Variants in DMD observed in about 807,000 individuals in gnomAD.
The protein encoded by DMD is dystrophin.
Under a neutral mutation model 330.1 loss-of-function variants are expected in DMD, and 63 were observed. The ratio of observed to expected loss-of-function variants is 0.19; its 90% CI spans 0.16 to 0.24. The LOEUF is 0.24. Among genes scored for constraint, DMD ranks in the 10% least tolerant of loss-of-function variants. The probability of loss-of-function intolerance (pLI) is 1.00; values close to 1 mark genes in which losing one functional copy is unlikely to be tolerated. For missense variants in DMD, 3,344 were observed against 2,684.1 expected, an observed-to-expected ratio of 1.25 and a Z score of -5.43; for synonymous variants, 1,223 against 959.8, an observed-to-expected ratio of 1.27 and a Z score of -5.07.
At chrX:32,364,770 T>C in intron 35 of DMD, 60 bp from the exon 36 acceptor site, 1 of 1,138,177 alleles carries the variant, frequency 8.8e-7, no homozygotes, top group South Asian at 1.9e-5. Context: ...TAAAGAATTT[T>C]TCCTATGTTC....
intron 18 of DMD, among the ~76,000 whole-genome samples, chrX:32,514,826 TGAG>T (rs951499395): frequency 8.9e-5 from 10 of 112,251 alleles, no homozygotes; most frequent in Non-Finnish European, 1.7e-4. Flanking sequence ...GTAGCTGAAT[TGAG>T]GAGATGAGAG....
chrX:31,647,930 C>A (rs776303426), intron 54 of DMD, among the ~76,000 whole-genome samples: 10 of 112,233 alleles, frequency 8.9e-5, no homozygotes, highest in Non-Finnish European at 1.3e-4. Flanking sequence ...ATTTTCATCT[C>A]TTTCTATGAA....
intron 9 of DMD, among the ~76,000 whole-genome samples, chrX:32,660,417 A>G (rs907748714): frequency 9.0e-6 from 1 of 111,498 alleles, no homozygotes; most frequent in Non-Finnish European, 1.9e-5. Context: ...GAACATAGAA[A>G]GTAAACGTCC....
chrX:32,491,656 T>C lies in DMD; in HGVS notation c.2381-138A>G, dbSNP rs1036588684. The C allele has an allele frequency of 1.5e-5, 9 of 591,029 alleles. No homozygotes were observed. The Admixed American group carries it at 2.5e-4, about 16-fold the overall frequency. 48.7% of individuals were successfully genotyped at this position (591,029 alleles called of 1,213,427 possible). A position where few individuals can be genotyped will look rare whatever the true frequency, so the allele number is the denominator to read the frequency against. On this transcript the variant is annotated intron_variant, in intron 19 of 78. Transcript: ENST00000357033. The stretch of plus-strand genomic sequence containing the variant: ...ACCAGATCAATTATTTTCTAAGATA[T>C]AAATGTGTAAATATGATTTCAGATT...
chrX:32,844,087 T>G (rs1161833742), intron 4 of DMD, among the ~76,000 whole-genome samples: 1 of 111,350 alleles, frequency 9.0e-6, no homozygotes, highest in Non-Finnish European at 1.9e-5. Context: ...GAAAAATCCG[T>G]TTGTTGCACA....
chrX:32,625,922 G>A (rs916953051), intron 11 of DMD, among the ~76,000 whole-genome samples: 2 of 111,189 alleles, frequency 1.8e-5, no homozygotes, highest in African/African-American at 6.6e-5. Context: ...CTAATAAAAG[G>A]AGGTAATGTA....
chrX:32,670,387 C>A (rs2061558680), intron 9 of DMD, among the ~76,000 whole-genome samples: 1 of 111,607 alleles, frequency 9.0e-6, no homozygotes, highest in South Asian at 3.7e-4. Context: ...AACACAAAGG[C>A]CAGAAGACAT....
intron 37 of DMD, among the ~76,000 whole-genome samples, chrX:32,357,662 C>T (rs1215029638): frequency 7.7e-4 from 12 of 15,574 alleles, no homozygotes; most frequent in African/African-American, 2.0e-3. Flanking sequence ...TACACAGATA[C>T]ACACACACAC....
intron 7 of DMD, among the ~76,000 whole-genome samples, chrX:32,715,733 G>A (rs758644112): frequency 2.7e-5 from 3 of 110,594 alleles, no homozygotes; most frequent in African/African-American, 9.9e-5. Flanking sequence ...CCGGGGAGGT[G>A]GAGGTTGCAG....
intron 1 of DMD, among the ~76,000 whole-genome samples, chrX:33,271,011 G>A (rs2053145089): frequency 9.0e-6 from 1 of 111,173 alleles, no homozygotes. Context: ...ATATTCCAAG[G>A]TGTATTTAAA....
chrX:32,306,618 T>C lies in DMD; in HGVS notation c.6117+3464A>G, dbSNP rs751378060. On this transcript the variant is annotated intron_variant, in intron 42 of 78. Transcript: ENST00000357033. ...AACTGAAATGATGTGTGCCTGATAT[T>C]TTTTCTTTCCTTCCATTTATTTCCT... Among the ~76,000 whole-genome samples, 4 of 111,072 alleles carry C rather than the reference T, an allele frequency of 3.6e-5. No individual in the cohort carries two copies. The Admixed American group carries it at 3.8e-4, about 11-fold the overall frequency.
At chrX:31,932,274 C>T (rs1271503977) in intron 45 of DMD, 47 bp from the exon 46 acceptor site, 21 of 1,035,554 alleles carry the variant, frequency 2.0e-5, no homozygotes, top group Non-Finnish European at 2.8e-5. Flanking sequence ...CAACATAGTT[C>T]TCAAACTATT....
chrX:32,051,271 T>A (rs889865645), intron 44 of DMD, among the ~76,000 whole-genome samples: 3 of 110,757 alleles, frequency 2.7e-5, no homozygotes, highest in Admixed American at 9.7e-5. Context: ...CAAAGTTTAA[T>A]AATATGAAAG....
intron 51 of DMD, among the ~76,000 whole-genome samples, chrX:31,767,155 T>C (rs555852447): frequency 8.9e-6 from 1 of 112,103 alleles, no homozygotes; most frequent in Admixed American, 9.5e-5. Flanking sequence ...GTAAATATCT[T>C]CAGCCAAACA....
At chrX:33,283,770 G>A (rs1035804231) in intron 1 of DMD, among the ~76,000 whole-genome samples, 31 of 110,766 alleles carry the variant, frequency 2.8e-4, no homozygotes, top group African/African-American at 9.8e-5. Flanking sequence ...TGTAATCCCA[G>A]TACTTTGGGA....
At chrX:33,185,941 G>A (rs1400870505) in intron 1 of DMD, among the ~76,000 whole-genome samples, 1 of 112,103 alleles carries the variant, frequency 8.9e-6, no homozygotes, top group Non-Finnish European at 1.9e-5. Flanking sequence ...GGATTCCAGA[G>A]CATCTTTGCA....
intron 41 of DMD, among the ~76,000 whole-genome samples, chrX:32,333,309 T>A (rs1199515279): frequency 8.9e-6 from 1 of 111,794 alleles, no homozygotes; most frequent in African/African-American, 3.2e-5. Flanking sequence ...GGTTTCTGTG[T>A]GTCTGAAAAG....
chrX:31,650,940 A>G (rs2080416345), intron 54 of DMD, among the ~76,000 whole-genome samples: 1 of 111,878 alleles, frequency 8.9e-6, no homozygotes, highest in Non-Finnish European at 1.9e-5. Context: ...GAATAGAGAA[A>G]AGTTGGTTAC....
At chrX:33,060,617 G>C (rs886586713) in intron 1 of DMD, among the ~76,000 whole-genome samples, 1 of 111,123 alleles carries the variant, frequency 9.0e-6, no homozygotes, top group African/African-American at 3.3e-5. Context: ...TGGATCACCT[G>C]AGGTCTAGAG....
Sources: gnomAD v4.1 joint callset for allele counts (sites outside exome capture counted in the v4.1 genomes callset) on GRCh38, gnomAD v4.1.1 for gene constraint, MANE v1.5 for transcripts, NCBI Gene and HGNC (gene_info 2026-07-23, HGNC 2026-07-21) for gene names.